Variants in USH2A observed in about 807,000 individuals in gnomAD.
The protein encoded by USH2A is usherin, also known as Usher syndrome 2A (autosomal recessive, mild).
A neutral mutation model predicts 538.9 loss-of-function variants in USH2A; 443 were observed. That is an observed-to-expected ratio of 0.82 (90% CI 0.76 to 0.89). USH2A has a LOEUF of 0.89. USH2A is among the 40% of genes least tolerant of loss of function. The probability of loss-of-function intolerance (pLI) is 0.00; values close to 1 mark genes in which losing one functional copy is unlikely to be tolerated. For synonymous variants in USH2A, 2,413 were observed against 2,273.5 expected (o/e 1.06, Z -1.75); for missense variants, 6,633 against 6,324.8 (o/e 1.05, Z -1.65).
intron 38 of USH2A, among the ~76,000 whole-genome samples, chr1:215,913,073 T>A (rs944654795): frequency 4.6e-5 from 7 of 152,140 alleles, no homozygotes; most frequent in Admixed American, 4.6e-4. Context: ...GCTATAAATA[T>A]GGAAATACAG....
intron 21 of USH2A, among the ~76,000 whole-genome samples, chr1:216,101,245 AAAG>A (rs1478303592): frequency 6.6e-6 from 1 of 152,242 alleles, no homozygotes; most frequent in South Asian, 2.1e-4. Context: ...ACTAAATAAA[AAAG>A]AATACATTTA....
intron 3 of USH2A, among the ~76,000 whole-genome samples, chr1:216,411,647 T>C (rs926637805): frequency 3.3e-5 from 5 of 152,098 alleles, no homozygotes; most frequent in African/African-American, 4.8e-5. Flanking sequence ...CTCTTTTCTT[T>C]TCTGGGTTCC....
At chr1:216,314,370 A>G (rs76549282) in intron 9 of USH2A, among the ~76,000 whole-genome samples, 7 of 152,244 alleles carry the variant, frequency 4.6e-5, no homozygotes, top group African/African-American at 1.4e-4. Flanking sequence ...CATATATCAA[A>G]TGTAGATCCT....
At chr1:215,779,782 G>GC (rs945638218) in intron 55 of USH2A, 61 bp downstream of exon 55, 298 of 1,591,940 alleles carry the variant, frequency 1.9e-4, no homozygotes, top group South Asian at 9.1e-4. Context: ...GGGATGCTTT[G>GC]CCCCCCTAAC....
intron 11 of USH2A, among the ~76,000 whole-genome samples, chr1:216,285,213 A>T (rs989797732): frequency 6.6e-6 from 1 of 152,184 alleles, no homozygotes; most frequent in Non-Finnish European, 1.5e-5. Context: ...GCCTAGGAGG[A>T]AAAAATGGTC....
intron 4 of USH2A, among the ~76,000 whole-genome samples, chr1:216,347,778 A>G (rs1192830772): frequency 6.6e-6 from 1 of 152,134 alleles, no homozygotes; most frequent in Non-Finnish European, 1.5e-5. Flanking sequence ...ATCCATAGAA[A>G]ATTGTTGACC....
intron 9 of USH2A, among the ~76,000 whole-genome samples, chr1:216,318,813 A>C (rs2037553547): frequency 6.6e-6 from 1 of 152,152 alleles, no homozygotes; most frequent in Non-Finnish European, 1.5e-5. Flanking sequence ...AACATTCACC[A>C]CCTGAGACCA....
chr1:216,207,145 A>G, intron 16 of USH2A, 128 bp downstream of exon 16: 4 of 1,105,436 alleles, frequency 3.6e-6, no homozygotes, highest in Middle Eastern at 2.8e-4. Context: ...TTGTAATTTT[A>G]TCTCTGTTTG....
At chr1:216,422,581 C>A in intron 1 of USH2A, 41 bp from the exon 2 acceptor site, 1 of 501,132 alleles carries the variant, frequency 2.0e-6, no homozygotes, top group Non-Finnish European at 3.6e-6. Flanking sequence ...AAAGCTGCTG[C>A]ACCTTTAAAA....
chr1:216,080,027 T>C (rs942126108), intron 26 of USH2A: 1 of 152,098 alleles, frequency 6.6e-6, no homozygotes, highest in African/African-American at 2.4e-5. Context: ...CTGTTGTTGT[T>C]GACAAGGAGG....
chr1:215,971,955 G>A (rs183471385), intron 35 of USH2A, among the ~76,000 whole-genome samples: 1 of 152,280 alleles, frequency 6.6e-6, no homozygotes, highest in African/African-American at 2.4e-5. Context: ...GTAGTATCAT[G>A]TTCATTGGAA....
At chr1:216,112,619 T>A (rs2032902783) in intron 21 of USH2A, among the ~76,000 whole-genome samples, 1 of 152,084 alleles carries the variant, frequency 6.6e-6, no homozygotes, top group South Asian at 2.1e-4. Context: ...CTGCCTCCCT[T>A]CACCCTCAGA....
intron 55 of USH2A, among the ~76,000 whole-genome samples, chr1:215,771,821 A>G (rs1661300518): frequency 1.3e-5 from 2 of 152,090 alleles, no homozygotes; most frequent in African/African-American, 4.8e-5. Flanking sequence ...CTATATCTAT[A>G]AACTGTAGGC....
At chr1:216,403,566 C>T (rs1304487367) in intron 3 of USH2A, among the ~76,000 whole-genome samples, 2 of 152,128 alleles carry the variant, frequency 1.3e-5, no homozygotes, top group African/African-American at 4.8e-5. Context: ...AATGTGAGTT[C>T]AGCAAAGTTT....
chr1:216,046,520 T>C lies in USH2A; in HGVS notation c.6236A>G (p.Lys2079Arg). 1 of 1,613,896 alleles carries C rather than the reference T, an allele frequency of 6.2e-7. No individual in the cohort carries two copies. The highest frequency in any genetic ancestry group is 8.5e-7 in the Non-Finnish European group (1 of 1,179,812). Residue 2079 changes from lysine to arginine, a missense_variant, in exon 32 of 72, where the codon AAA becomes AGA. Physicochemically the swap from Lys to Arg is conservative, Grantham distance 26. Transcript: ENST00000307340. ...SSLLLSWNPP[K>R]KANGIITQYC... ...CTGAGTTATAATACCATTTGCCTTT[T>C]TGGGTGGGTTCCAGGAGAGCAGCAA...
chr1:216,279,099 T>C (rs1247692391), intron 11 of USH2A, among the ~76,000 whole-genome samples: 1 of 152,182 alleles, frequency 6.6e-6, no homozygotes, highest in Non-Finnish European at 1.5e-5. Context: ...TATCTCTTAA[T>C]CATTTATTTC....
intron 70 of USH2A, among the ~76,000 whole-genome samples, chr1:215,629,857 G>C (rs1433442167): frequency 6.9e-6 from 1 of 145,004 alleles, no homozygotes; most frequent in Non-Finnish European, 1.5e-5. Flanking sequence ...CTCACTGCAA[G>C]CTCCGCCTCC....
At chr1:216,330,012 C>G (rs948575388) in intron 4 of USH2A, among the ~76,000 whole-genome samples, 15 of 152,130 alleles carry the variant, frequency 9.9e-5, no homozygotes, top group Admixed American at 9.2e-4. Context: ...GAACCCAGAT[C>G]ATAACAAACA....
At chr1:216,384,414 T>C (rs2038971839) in intron 3 of USH2A, among the ~76,000 whole-genome samples, 1 of 152,252 alleles carries the variant, frequency 6.6e-6, no homozygotes, top group South Asian at 2.1e-4. Flanking sequence ...AATACACTCA[T>C]ACTATTTTGC....
Sources: gnomAD v4.1 joint callset for allele counts (sites outside exome capture counted in the v4.1 genomes callset) on GRCh38, gnomAD v4.1.1 for gene constraint, MANE v1.5 for transcripts, NCBI Gene and HGNC (gene_info 2026-07-23, HGNC 2026-07-21) for gene names.